Variants in SEC23A observed in about 807,000 individuals in gnomAD.
The protein encoded by SEC23A is protein transport protein Sec23A.
Under a neutral mutation model 103.7 loss-of-function variants are expected in SEC23A, and 56 were observed. The ratio of observed to expected loss-of-function variants is 0.54; its 90% confidence interval spans 0.44 to 0.67. The LOEUF (loss-of-function observed/expected upper bound fraction) is 0.67. Among genes scored for constraint, SEC23A ranks in the 30% least tolerant of loss-of-function variants. The pLI, the probability that SEC23A is intolerant of heterozygous loss-of-function variation, is 0.00. For synonymous variants in SEC23A, 281 were observed against 293.0 expected (o/e 0.96, Z 0.42); for missense variants, 784 against 936.4 (o/e 0.84, Z 2.12).
chr14:39,070,121 G>A lies in SEC23A; in HGVS notation c.1104-2825C>T, dbSNP rs546276376. On this transcript the variant is annotated intron_variant, in intron 9 of 19. Coordinates refer to ENST00000307712, the MANE Select transcript of SEC23A (RefSeq NM_006364.4). ...ACAGCACAAAGAATATATCCATTGC[G>A]AAATTATACGGAAGAGCCCTGCGCT... 4.6e-5 allele frequency among the ~76,000 whole-genome samples: 7 copies of A among 152,326 alleles called. 1 individual carries two copies. In the South Asian group the frequency reaches 1.0e-3, roughly 23 times the overall value.
At chr14:39,062,613 T>C (rs781430080) in intron 12 of SEC23A, among the ~76,000 whole-genome samples, 2 of 152,128 alleles carry the variant, frequency 1.3e-5, no homozygotes, top group East Asian at 1.9e-4. Context: ...AAGTAATCAA[T>C]AGGAAAACTT....
intron 13 of SEC23A, among the ~76,000 whole-genome samples, chr14:39,060,102 CATGT>C (rs1251051110): frequency 7.0e-6 from 1 of 142,562 alleles, no homozygotes; most frequent in Non-Finnish European, 1.5e-5. Context: ...TGTGCACACA[CATGT>C]GTGTGTGTGT....
intron 7 of SEC23A, among the ~76,000 whole-genome samples, chr14:39,077,227 C>CAAAAAAAAAAAA (rs57549556): frequency 8.2e-5 from 3 of 36,480 alleles, no homozygotes; most frequent in African/African-American, 2.6e-4. Context: ...GACTCCATCT[C>CAAAAAAAAAAAA]AAAAAAAAAA....
At chr14:39,041,784 G>A (rs956696940) in intron 17 of SEC23A, among the ~76,000 whole-genome samples, 3 of 150,676 alleles carry the variant, frequency 2.0e-5, no homozygotes, top group Admixed American at 6.6e-5. Flanking sequence ...CAGGAGAATC[G>A]CTGGAACCCG....
rs1268126979 is a variant in SEC23A, at chr14:39,053,259, A to G, written c.1659+1884T>C. Among the ~76,000 whole-genome samples, 3 of 152,358 alleles carry G rather than the reference A, an allele frequency of 2.0e-5. No homozygotes were observed. In the East Asian group the frequency reaches 5.8e-4, roughly 29 times the overall value. On this transcript the variant is annotated intron_variant, in intron 14 of 19. Transcript: ENST00000307712. Reference sequence around the variant, plus strand: ...ACATCTGTGTATAATAAGCTGAAAAATAACAGATTCTCTACAGATTGACGA... The same window carrying G: ...ACATCTGTGTATAATAAGCTGAAAAGTAACAGATTCTCTACAGATTGACGA...
At chr14:39,046,000 C>T (rs1322562086) in intron 15 of SEC23A, among the ~76,000 whole-genome samples, 1 of 152,136 alleles carries the variant, frequency 6.6e-6, no homozygotes, top group Non-Finnish European at 1.5e-5. Flanking sequence ...TGTCAGGGGG[C>T]AGTTTCCCCC....
At chr14:39,093,711 C>T (rs929551715) in intron 2 of SEC23A, among the ~76,000 whole-genome samples, 6 of 152,140 alleles carry the variant, frequency 3.9e-5, no homozygotes, top group Non-Finnish European at 7.4e-5. Context: ...CAGTGAGCCA[C>T]AATCACAACA....
intron 9 of SEC23A, among the ~76,000 whole-genome samples, chr14:39,070,958 C>T (rs1363492443): frequency 1.3e-5 from 2 of 151,754 alleles, no homozygotes; most frequent in South Asian, 2.1e-4. Context: ...ACCCAGGGGG[C>T]GGAGGTTGCA....
At position 39,067,185 on chromosome 14, in the gene SEC23A, C is replaced by T. The variant is rs140246467; in HGVS notation, c.1215G>A (p.Thr405=). 4.2e-5 allele frequency: 68 copies of T among 1,613,598 alleles called. No individual in the cohort carries two copies. Among genetic ancestry groups the T allele is most frequent in the African/African-American group, 2.3e-4 (17 of 74,896 alleles). ...TTTTGGTTCTTACCTTTATTTCTAG[C>T]GTACCACCAAAGCCCATTTTAAACT... ...HGQFKMGFGG[T]LEIKTSREIK... is the part of the protein sequence containing the mutation. Residue 405 remains threonine (T), a synonymous_variant, in exon 10 of 20, where the codon ACG becomes ACA. Coordinates refer to ENST00000307712, the MANE Select transcript of SEC23A (RefSeq NM_006364.4).
chr14:39,051,431 A>C lies in SEC23A; in HGVS notation c.1660-2702T>G, dbSNP rs141832665. ...ATGTAGAATGTGTAGATTAGAAGTA[A>C]AGTACACTGTGAGGTTTATGTAATT... On this transcript the variant is annotated intron_variant, in intron 14 of 19. Transcript: ENST00000307712. Among the ~76,000 whole-genome samples the C allele has an allele frequency of 3.6e-3, 540 of 151,944 alleles. 1 individual carries two copies. Among genetic ancestry groups the C allele is most frequent in the Non-Finnish European group, 6.6e-3 (445 of 67,924 alleles).
rs763645563 is a variant in SEC23A at position 39,092,554 on chromosome 14, T to C, written c.353A>G (p.Glu118Gly). 1 of 1,602,088 alleles carries C rather than the reference T, an allele frequency of 6.2e-7. No individual in the cohort carries two copies. Among genetic ancestry groups the C allele is most frequent in the South Asian group, 1.1e-5 (1 of 90,342 alleles). ...TTAGGTTCTTACCAGAACTACATATTCAATGCTAGAAAACTGAGGTAAAAG... is the reference window on the plus strand; with the variant it reads ...TTAGGTTCTTACCAGAACTACATATCCAATGCTAGAAAACTGAGGTAAAAG... ...AELLPQFSSIEYVVLRGPQMP... is the reference protein window; with the variant it reads ...AELLPQFSSIGYVVLRGPQMP... Residue 118 changes from glutamate to glycine, a missense_variant, in exon 4 of 20, where the codon GAA (glutamate) becomes GGA (glycine). Around this residue, in one of 2 missense-constraint regions of SEC23A, gnomAD observed 683 missense variants for 774.2 expected, o/e 0.88. Coordinates refer to ENST00000307712, the MANE Select transcript of SEC23A (RefSeq NM_006364.4).
At chr14:39,083,466 C>T (rs560556735) in intron 7 of SEC23A, among the ~76,000 whole-genome samples, 218 of 151,904 alleles carry the variant, frequency 1.4e-3, no homozygotes, top group Non-Finnish European at 2.6e-3. Flanking sequence ...TCATGTCTCC[C>T]GAAAATTTAT....
chr14:39,085,903 G>A lies in SEC23A; in HGVS notation c.687C>T (p.Phe229=). ...TGTCTATTTTCTGTACTGGTTGTAA[G>A]AATCTAAGAAACAGAATTAAATAAA... is the stretch of plus-strand genomic sequence containing the variant. ...QVQQPPPSNR[F]LQPVQKIDMN... Residue 229 remains phenylalanine, a synonymous_variant, in exon 7 of 20, where the codon TTC becomes TTT. Coordinates refer to ENST00000307712, the MANE Select transcript of SEC23A (RefSeq NM_006364.4). 2 of 1,612,576 alleles carry A rather than the reference G, an allele frequency of 1.2e-6. No individual in the cohort carries two copies. The highest frequency in any genetic ancestry group is 2.7e-5 in the African/African-American group (2 of 74,990).
intron 2 of SEC23A, among the ~76,000 whole-genome samples, chr14:39,094,651 C>A (rs1427885894): frequency 6.6e-6 from 1 of 151,628 alleles, no homozygotes; most frequent in Non-Finnish European, 1.5e-5. Context: ...TAAAAAACAG[C>A]CTTCTTAAAT....
In SEC23A at chr14:39,092,638, AAAAC is replaced by A; in HGVS notation, c.280-15_280-12del. On this transcript the variant is annotated splice_polypyrimidine_tract_variant and intron_variant, in intron 3 of 19. Transcript: ENST00000307712. ...ATAACTAGGTGGAAACTACAAATAG[AAAAC>A]AAACAAAAATTTTTAACAAATTATA... The A allele has an allele frequency of 6.6e-7, 1 of 1,525,422 alleles. No individual in the cohort carries two copies. Among genetic ancestry groups the A allele is most frequent in the South Asian group, 1.2e-5 (1 of 86,510 alleles). The allele number at this position is 1,525,422 out of a possible 1,614,324, so 94.5% of individuals were successfully genotyped here.
intron 17 of SEC23A, 39 bp from the exon 18 acceptor site, chr14:39,040,926 T>C: frequency 1.3e-6 from 2 of 1,560,932 alleles, no homozygotes; most frequent in East Asian, 2.4e-5. Flanking sequence ...TTTAAATTTC[T>C]TGCCCATCCA....
At chr14:39,096,393 G>C (rs1887892925) in intron 1 of SEC23A, among the ~76,000 whole-genome samples, 1 of 152,064 alleles carries the variant, frequency 6.6e-6, no homozygotes, top group Non-Finnish European at 1.5e-5. Context: ...AGCCAGGCAT[G>C]GTGGCGTATG....
At chr14:39,047,476 C>A in intron 15 of SEC23A, 2 of 985,800 alleles carry the variant, frequency 2.0e-6, no homozygotes, top group Non-Finnish European at 2.7e-6. Context: ...GATCAATCAG[C>A]AATAAAGGAT....
chr14:39,085,689 T>TATATAC lies in SEC23A; in HGVS notation c.828+72_828+73insGTATAT, dbSNP rs573160536. ...TTCTTCTTATCCTTATAATTATATA[T>TATATAC]ACACACACACACACACACACACACA... is the stretch of plus-strand genomic sequence containing the variant. On this transcript the variant is annotated intron_variant, in intron 7 of 19. Transcript: ENST00000307712. The TATATAC allele has an allele frequency of 1.9e-5, 23 of 1,196,402 alleles. No individual in the cohort carries two copies. The East Asian group carries it at 3.1e-4, about 16-fold the overall frequency. The allele number at this position is 1,196,402 out of a possible 1,614,324, so 74.1% of individuals were successfully genotyped here.
Sources: allele counts gnomAD v4.1 joint callset (sites outside exome capture counted in the v4.1 genomes callset), GRCh38; gene constraint gnomAD v4.1.1; regional missense constraint gnomAD v4.1.1; transcripts MANE v1.5; gene names NCBI Gene and HGNC (gene_info 2026-07-23, HGNC 2026-07-21).